The following PDE1C variants were observed in gnomAD, a reference collection of about 807,000 sequenced individuals.
PDE1C encodes dual specificity calcium/calmodulin-dependent 3',5'-cyclic nucleotide phosphodiesterase 1C.
A neutral mutation model predicts 93.1 loss-of-function variants in PDE1C; 62 were observed. The observed-to-expected ratio is 0.67, with a 90% CI of 0.54 to 0.82. PDE1C has a LOEUF of 0.82. PDE1C is among the 40% of genes least tolerant of loss of function. PDE1C has a pLI of 0.00. For synonymous variants in PDE1C, 325 were observed against 310.1 expected, an observed-to-expected ratio of 1.05 and a Z score of -0.50; for missense variants, 742 against 884.6, an observed-to-expected ratio of 0.84 and a Z score of 2.04.
chr7:31,758,192 T>C (rs1231680091), intron 17 of PDE1C, among the ~76,000 whole-genome samples: 2 of 152,160 alleles, frequency 1.3e-5, no homozygotes, highest in African/African-American at 4.8e-5. Flanking sequence ...ATACACCTAA[T>C]GTAAATGACG....
chr7:31,820,495 T>G (rs1197894962), intron 14 of PDE1C: 1 of 152,170 alleles, frequency 6.6e-6, no homozygotes, highest in African/African-American at 2.4e-5. Context: ...AAAATATTTA[T>G]TTAATCTTTC....
intron 16 of PDE1C, among the ~76,000 whole-genome samples, chr7:31,800,637 C>T (rs180695965): frequency 8.8e-4 from 133 of 151,572 alleles, no homozygotes; most frequent in African/African-American, 3.1e-3. Flanking sequence ...GTTACCATAG[C>T]TTTATAGTAA....
At chr7:32,127,352 T>C (rs1799647442) in intron 3 of PDE1C, among the ~76,000 whole-genome samples, 1 of 152,130 alleles carries the variant, frequency 6.6e-6, no homozygotes, top group African/African-American at 2.4e-5. Context: ...CCCTGACTAA[T>C]ACAGGCAATA....
the PDE1C span, among the ~76,000 whole-genome samples, chr7:31,638,978 T>C: frequency 6.6e-6 from 1 of 152,158 alleles, no homozygotes; most frequent in Non-Finnish European, 1.5e-5. Context: ...GATTTCACCA[T>C]GTTGGCCAGG....
At chr7:31,937,389 T>C (rs1418817201) in intron 2 of PDE1C, among the ~76,000 whole-genome samples, 6 of 152,222 alleles carry the variant, frequency 3.9e-5, no homozygotes, top group African/African-American at 1.2e-4. Flanking sequence ...TTTGGTATCT[T>C]ACTGCTACAA....
chr7:31,915,426 C>T (rs1199495095), intron 2 of PDE1C, among the ~76,000 whole-genome samples: 1 of 152,196 alleles, frequency 6.6e-6, no homozygotes, highest in African/African-American at 2.4e-5. Context: ...AGGGTGGCAG[C>T]CTGCCACCAA....
intron 2 of PDE1C, among the ~76,000 whole-genome samples, chr7:31,935,849 A>AG (rs35894577): frequency 0.061 from 9,265 of 152,172 alleles, 457 homozygotes; most frequent in African/African-American, 0.14. Context: ...AAGGAAAGGA[A>AG]GACAATGCTA....
At chr7:32,315,281 G>C (rs1330550689) in intron 1 of PDE1C, among the ~76,000 whole-genome samples, 1 of 151,882 alleles carries the variant, frequency 6.6e-6, no homozygotes, top group African/African-American at 2.4e-5. Flanking sequence ...ATGCAGCCCA[G>C]GGATGTGGCT....
intron 3 of PDE1C, among the ~76,000 whole-genome samples, chr7:32,167,335 A>C (rs1334012284): frequency 6.6e-6 from 1 of 152,208 alleles, no homozygotes; most frequent in African/African-American, 2.4e-5. Context: ...AAGTGGAATT[A>C]AGTATCTAAC....
At chr7:32,342,051 G>T (rs1159957519) in intron 1 of PDE1C, among the ~76,000 whole-genome samples, 1 of 52,700 alleles carries the variant, frequency 1.9e-5, no homozygotes, top group Non-Finnish European at 4.3e-5. Context: ...ATAAATATAT[G>T]TAATAATTTA....
intron 1 of PDE1C, among the ~76,000 whole-genome samples, chr7:32,251,642 C>T (rs1248245535): frequency 6.6e-6 from 1 of 152,168 alleles, no homozygotes; most frequent in African/African-American, 2.4e-5. Flanking sequence ...ACAACCCCTG[C>T]ACCTGCACAG....
intron 3 of PDE1C, among the ~76,000 whole-genome samples, chr7:32,122,498 C>A (rs1341074231): frequency 6.6e-6 from 1 of 152,012 alleles, no homozygotes; most frequent in African/African-American, 2.4e-5. Context: ...TGCAAAAGAA[C>A]TAAAATCATA....
chr7:32,141,375 A>G (rs1375125374), intron 3 of PDE1C, among the ~76,000 whole-genome samples: 1 of 152,216 alleles, frequency 6.6e-6, no homozygotes, highest in Non-Finnish European at 1.5e-5. Context: ...GGAAAGGGGA[A>G]TACGGTAACT....
At chr7:31,908,700 G>A (rs149055591) in intron 2 of PDE1C, among the ~76,000 whole-genome samples, 1 of 152,088 alleles carries the variant, frequency 6.6e-6, no homozygotes, top group Non-Finnish European at 1.5e-5. Flanking sequence ...TTTCAGCAGG[G>A]TCACACACCT....
intron 2 of PDE1C, among the ~76,000 whole-genome samples, chr7:31,951,595 T>C (rs1807387441): frequency 6.6e-6 from 1 of 152,248 alleles, no homozygotes; most frequent in African/African-American, 2.4e-5. Context: ...TGGGCATCCC[T>C]TAGTGGTCTG....
At chr7:32,220,058 G>T (rs1806729239) in intron 1 of PDE1C, among the ~76,000 whole-genome samples, 1 of 151,804 alleles carries the variant, frequency 6.6e-6, no homozygotes, top group Admixed American at 6.6e-5. Context: ...CTTCCACCAT[G>T]ATTGTAGCCT....
intron 3 of PDE1C, among the ~76,000 whole-genome samples, chr7:32,144,201 A>G (rs1015265035): frequency 1.3e-5 from 2 of 152,166 alleles, no homozygotes; most frequent in Non-Finnish European, 2.9e-5. Flanking sequence ...ACCAAGCTTT[A>G]TCTACCTTCA....
the PDE1C span, among the ~76,000 whole-genome samples, chr7:31,704,338 C>G: frequency 6.6e-6 from 1 of 152,152 alleles, no homozygotes; most frequent in African/African-American, 2.4e-5. Flanking sequence ...AGATGGGGCT[C>G]TGGGTGGGAT....
intron 1 of PDE1C, among the ~76,000 whole-genome samples, chr7:32,414,333 C>A (rs1785230289): frequency 6.6e-6 from 1 of 150,624 alleles, no homozygotes; most frequent in South Asian, 2.1e-4. Context: ...TCAAAAAATG[C>A]CCACAAAATA....
Sources: gnomAD v4.1 joint callset for allele counts (sites outside exome capture counted in the v4.1 genomes callset) on GRCh38, gnomAD v4.1.1 for gene constraint, MANE v1.5 for transcripts, NCBI Gene and HGNC (gene_info 2026-07-23, HGNC 2026-07-21) for gene names.